The following FBXL7 variants were observed in gnomAD, a reference collection of about 807,000 sequenced individuals.
FBXL7 encodes the protein F-box and leucine rich repeat protein 7, also known as F-box/LRR-repeat protein 7.
FBXL7 carries 12 observed loss-of-function variants against 38.3 expected under a neutral mutation model. The observed-to-expected ratio is 0.31, with a 90% CI of 0.20 to 0.51. The LOEUF (loss-of-function observed/expected upper bound fraction) is 0.51. FBXL7 is among the 20% of genes least tolerant of loss of function. FBXL7 has a pLI of 0.98. For missense variants in FBXL7, 567 were observed against 676.4 expected (o/e 0.84, Z 1.79); for synonymous variants, 297 against 300.9 (o/e 0.99, Z 0.13).
At chr5:15,688,296 T>G (rs1743079220) in intron 2 of FBXL7, among the ~76,000 whole-genome samples, 1 of 152,218 alleles carries the variant, frequency 6.6e-6, no homozygotes, top group African/African-American at 2.4e-5. Context: ...TTATCATAGC[T>G]CCAGTACAAA....
intron 2 of FBXL7, among the ~76,000 whole-genome samples, chr5:15,674,914 C>A (rs1370337866): frequency 6.6e-6 from 1 of 152,168 alleles, no homozygotes; most frequent in African/African-American, 2.4e-5. Context: ...CCAGGACTGA[C>A]CTCAAGAAGA....
At chr5:15,771,341 C>T (rs567303043) in intron 2 of FBXL7, among the ~76,000 whole-genome samples, 2 of 152,312 alleles carry the variant, frequency 1.3e-5, no homozygotes, top group South Asian at 2.1e-4. Flanking sequence ...AGTGGAAGAA[C>T]GCAGTTCTGA....
chr5:15,702,263 CTG>C (rs1743550407), intron 2 of FBXL7, among the ~76,000 whole-genome samples: 1 of 151,222 alleles, frequency 6.6e-6, no homozygotes, highest in African/African-American at 2.4e-5. Flanking sequence ...ATTCACAGCT[CTG>C]TGAAAGTGCT....
intron 1 of FBXL7, among the ~76,000 whole-genome samples, chr5:15,516,666 C>A (rs1736945984): frequency 6.6e-6 from 1 of 151,900 alleles, no homozygotes; most frequent in South Asian, 2.1e-4. Context: ...TGAAATAATT[C>A]TCCCACATGT....
In FBXL7 at chr5:15,939,365, G is replaced by C. The variant is rs1043277416; in HGVS notation, c.*2179G>C. 6 of 259,502 alleles carry C rather than the reference G, an allele frequency of 2.3e-5. No homozygotes were observed. Among genetic ancestry groups the C allele is most frequent in the Non-Finnish European group, 3.6e-5 (5 of 138,116 alleles). 16.1% of individuals were successfully genotyped at this position (259,502 alleles called of 1,614,324 possible). A position where few individuals can be genotyped will look rare whatever the true frequency, so the allele number is the denominator to read the frequency against. On this transcript the variant is annotated 3_prime_UTR_variant, in exon 4 of 4. Transcript: ENST00000504595. The stretch of plus-strand genomic sequence containing the variant: ...CTAATCCTTGGCCCTGGGGTCTTCC[G>C]AGTGAGCTGGTTTAATACTCTGAGA...
At chr5:15,761,051 T>C (rs997788667) in intron 2 of FBXL7, among the ~76,000 whole-genome samples, 2 of 151,982 alleles carry the variant, frequency 1.3e-5, no homozygotes, top group Non-Finnish European at 2.9e-5. Context: ...GCCATGACAG[T>C]CATTTATTTT....
At chr5:15,737,587 T>C (rs1735788878) in intron 2 of FBXL7, among the ~76,000 whole-genome samples, 1 of 152,214 alleles carries the variant, frequency 6.6e-6, no homozygotes, top group African/African-American at 2.4e-5. Flanking sequence ...GAAAGATCTT[T>C]TTAAAATGTA....
chr5:15,624,589 T>C (rs1021826992), intron 2 of FBXL7, among the ~76,000 whole-genome samples: 1 of 152,222 alleles, frequency 6.6e-6, no homozygotes, highest in Non-Finnish European at 1.5e-5. Context: ...TAATTCTTGA[T>C]TGCTGAAAGT....
At chr5:15,735,063 G>A (rs4330464) in intron 2 of FBXL7, among the ~76,000 whole-genome samples, 83,534 of 151,642 alleles carry the variant, frequency 0.55, 23,108 homozygotes, top group East Asian at 0.67. Flanking sequence ...TCACAATTAG[G>A]TGGGATTACA....
At chr5:15,773,196 G>A (rs1048081801) in intron 2 of FBXL7, among the ~76,000 whole-genome samples, 6 of 152,152 alleles carry the variant, frequency 3.9e-5, no homozygotes, top group Non-Finnish European at 7.4e-5. Flanking sequence ...AACAAGCCTG[G>A]CTGTGACCCT....
At chr5:15,517,744 T>A (rs1351312741) in intron 1 of FBXL7, among the ~76,000 whole-genome samples, 1 of 152,186 alleles carries the variant, frequency 6.6e-6, no homozygotes, top group Non-Finnish European at 1.5e-5. Context: ...CCTTCTCCAC[T>A]CCTTATGTTT....
chr5:15,931,359 A>G (rs1232562753), intron 3 of FBXL7, among the ~76,000 whole-genome samples: 1 of 152,066 alleles, frequency 6.6e-6, no homozygotes, highest in Non-Finnish European at 1.5e-5. Flanking sequence ...TTCAGAAAGA[A>G]CCTCTCTAAC....
chr5:15,927,941 G>A lies in FBXL7; in HGVS notation c.179G>A (p.Cys60Tyr). ...TLSTPSPALICPPNLPGFQNG... is the reference protein window; with the variant it reads ...TLSTPSPALIYPPNLPGFQNG... Reference sequence around the variant, plus strand: ...AGCACGCCCAGCCCAGCCCTGATATGTCCACCGAATCTCCCAGGATTTCAG... The same window carrying A: ...AGCACGCCCAGCCCAGCCCTGATATATCCACCGAATCTCCCAGGATTTCAG... Residue 60 changes from cysteine (C) to tyrosine (Y), a missense_variant, in exon 3 of 4, where the codon TGT (cysteine) becomes TAT (tyrosine). Coordinates refer to ENST00000504595, the MANE Select transcript of FBXL7 (RefSeq NM_012304.5). 1 of 1,561,900 alleles carries A rather than the reference G, an allele frequency of 6.4e-7. No individual in the cohort carries two copies. The highest frequency in any genetic ancestry group is 8.7e-7 in the Non-Finnish European group (1 of 1,152,486).
intron 2 of FBXL7, among the ~76,000 whole-genome samples, chr5:15,792,922 A>G (rs1737314346): frequency 1.3e-5 from 2 of 152,218 alleles, no homozygotes; most frequent in Admixed American, 1.3e-4. Flanking sequence ...GCTGGATGAC[A>G]AAAGGGAAGA....
intron 2 of FBXL7, among the ~76,000 whole-genome samples, chr5:15,871,333 G>T (rs1054035369): frequency 6.6e-6 from 1 of 152,164 alleles, no homozygotes; most frequent in Non-Finnish European, 1.5e-5. Context: ...ATAAATCCAC[G>T]AAGATGAGGA....
chr5:15,726,406 G>T (rs1240761335), intron 2 of FBXL7, among the ~76,000 whole-genome samples: 2 of 151,966 alleles, frequency 1.3e-5, no homozygotes, highest in Non-Finnish European at 2.9e-5. Context: ...CTCATCCTGG[G>T]CAACATAGTG....
chr5:15,692,416 C>T (rs931241216), intron 2 of FBXL7, among the ~76,000 whole-genome samples: 3 of 152,140 alleles, frequency 2.0e-5, no homozygotes, highest in Admixed American at 6.5e-5. Flanking sequence ...ACATCTGCAG[C>T]GGACTTTGGC....
At chr5:15,842,660 T>A (rs908819073) in intron 2 of FBXL7, among the ~76,000 whole-genome samples, 2 of 152,148 alleles carry the variant, frequency 1.3e-5, no homozygotes, top group Non-Finnish European at 2.9e-5. Flanking sequence ...GTGGAGATAA[T>A]AGAATCATGG....
intron 2 of FBXL7, among the ~76,000 whole-genome samples, chr5:15,675,828 GAGA>G (rs927596341): frequency 1.4e-4 from 21 of 152,292 alleles, no homozygotes; most frequent in African/African-American, 4.6e-4. Flanking sequence ...CGACACCGAA[GAGA>G]AGGACTGTAT....
Sources: gnomAD v4.1 joint callset for allele counts (sites outside exome capture counted in the v4.1 genomes callset) on GRCh38, gnomAD v4.1.1 for gene constraint, MANE v1.5 for transcripts, NCBI Gene and HGNC (gene_info 2026-07-23, HGNC 2026-07-21) for gene names.